LAPTM4A: variants seen among roughly 807,000 people sequenced by gnomAD.
The protein encoded by LAPTM4A is lysosomal-associated transmembrane protein 4A.
In LAPTM4A, 19 loss-of-function variants were observed where a neutral mutation model predicts 29.9. The ratio of observed to expected loss-of-function variants is 0.64; its 90% confidence interval spans 0.44 to 0.93. The LOEUF (loss-of-function observed/expected upper bound fraction) is 0.93. LAPTM4A is among the 40% of genes least tolerant of loss of function. The pLI is 0.00. For missense variants in LAPTM4A, 293 were observed against 288.5 expected, an observed-to-expected ratio of 1.02 and a Z score of -0.11; for synonymous variants, 105 against 102.1, an observed-to-expected ratio of 1.03 and a Z score of -0.17.
At chr2:20,043,199 A>G in intron 1 of LAPTM4A, among the ~76,000 whole-genome samples, 1 of 133,208 alleles carries the variant, frequency 7.5e-6, no homozygotes. Flanking sequence ...CAGCCTCCCA[A>G]GTAGCTGGGA....
At chr2:20,034,526 G>A (rs1673639684) in intron 5 of LAPTM4A, 111 bp from the exon 6 acceptor site, 3 of 758,712 alleles carry the variant, frequency 4.0e-6, no homozygotes, top group Non-Finnish European at 4.7e-6. Flanking sequence ...GTAGAAGGGA[G>A]CTGACCTCTG....
chr2:20,042,973 T>G (rs1673834162), intron 1 of LAPTM4A, among the ~76,000 whole-genome samples: 1 of 152,212 alleles, frequency 6.6e-6, no homozygotes, highest in Non-Finnish European at 1.5e-5. Flanking sequence ...GGAGTCTCGC[T>G]CTGTCGCCCA....
intron 1 of LAPTM4A, 40 bp downstream of exon 1, chr2:20,051,370 C>T: frequency 7.3e-7 from 1 of 1,378,182 alleles, no homozygotes; most frequent in Non-Finnish European, 1.0e-6. Flanking sequence ...CCCCGCTCCC[C>T]AGGCCCCCCG....
chr2:20,051,322 C>G (rs1052870435), intron 1 of LAPTM4A, 88 bp downstream of exon 1: 1 of 804,596 alleles, frequency 1.2e-6, no homozygotes, highest in Non-Finnish European at 2.1e-6. Context: ...CCGCCCCACC[C>G]AACACCCCGT....
Position 20,033,219 on chromosome 2 carries a change from A to G in LAPTM4A, c.688T>C (p.Tyr230His). 1.9e-6 allele frequency: 3 copies of G among 1,613,998 alleles called. No individual in the cohort carries two copies. The East Asian group carries it at 6.7e-5, about 36-fold the overall frequency. The change falls in exon 7 of 7, where the codon TAC (tyrosine) becomes CAC (histidine). Residue 230 changes from tyrosine to histidine, a missense_variant. Coordinates refer to ENST00000175091, the MANE Select transcript of LAPTM4A (RefSeq NM_014713.5). ...KMPEKEPPPP[Y>H]LPA Reference sequence around the variant, plus strand: ...GCAGAATTTCTTCAGGCAGGTAAGTAAGGAGGTGGTGGTTCTTTTTCAGGC... The same window carrying G: ...GCAGAATTTCTTCAGGCAGGTAAGTGAGGAGGTGGTGGTTCTTTTTCAGGC...
At chr2:20,035,559 G>C (rs1673661711) in intron 4 of LAPTM4A, among the ~76,000 whole-genome samples, 1 of 152,172 alleles carries the variant, frequency 6.6e-6, no homozygotes, top group African/African-American at 2.4e-5. Context: ...ACAATGTCAG[G>C]CAAGACATAA....
At chr2:20,045,437 C>T (rs2148214045) in intron 1 of LAPTM4A, among the ~76,000 whole-genome samples, 1 of 141,578 alleles carries the variant, frequency 7.1e-6, no homozygotes, top group Non-Finnish European at 1.5e-5. Context: ...CACACCAGCA[C>T]AGGCAACATA....
At chr2:20,043,310 G>A (rs568838659) in intron 1 of LAPTM4A, among the ~76,000 whole-genome samples, 5 of 151,480 alleles carry the variant, frequency 3.3e-5, no homozygotes, top group African/African-American at 9.7e-5. Flanking sequence ...CACCTCTTGG[G>A]TTCAGGCCAT....
chr2:20,035,082 A>G lies in LAPTM4A; in HGVS notation c.433-20T>C. On this transcript the variant is annotated intron_variant, in intron 4 of 6. Coordinates refer to ENST00000175091, the MANE Select transcript of LAPTM4A (RefSeq NM_014713.5). ...ATCAGGCTATTAAAGAAACACACAC[A>G]CATTTACAAGTCAGCCATCGCACTA... 1 of 1,555,600 alleles carries G rather than the reference A, an allele frequency of 6.4e-7. No individual in the cohort carries two copies. Among genetic ancestry groups the G allele is most frequent in the Non-Finnish European group, 8.9e-7 (1 of 1,129,004 alleles).
rs570294689 is a variant in LAPTM4A at position 20,038,028 on chromosome 2, G to T, written c.233-414C>A. 8.5e-5 allele frequency among the ~76,000 whole-genome samples: 13 copies of T among 152,272 alleles called. No individual in the cohort carries two copies. In the East Asian group the frequency reaches 2.5e-3, roughly 29 times the overall value. On this transcript the variant is annotated intron_variant, in intron 2 of 6. Coordinates refer to ENST00000175091, the MANE Select transcript of LAPTM4A (RefSeq NM_014713.5). ...CTGAAGCATCAGGAAAAAATATGAAGAAATGACACAAGATGGGTCTTATGA... is the reference window on the plus strand; with the variant it reads ...CTGAAGCATCAGGAAAAAATATGAATAAATGACACAAGATGGGTCTTATGA...
At chr2:20,047,696 C>CAAAAAAAAAAAAAAAAAAAAAAAG (rs61601787) in intron 1 of LAPTM4A, among the ~76,000 whole-genome samples, 1 of 76,720 alleles carries the variant, frequency 1.3e-5, no homozygotes, top group African/African-American at 5.0e-5. Context: ...GACTCCGTCT[C>CAAAAAAAAAAAAAAAAAAAAAAAG]AAAAAAAAAA....
At chr2:20,041,036 T>G (rs376607112) in intron 1 of LAPTM4A, 25 bp from the exon 2 acceptor site, 2 of 1,611,350 alleles carry the variant, frequency 1.2e-6, no homozygotes, top group Non-Finnish European at 1.7e-6. Flanking sequence ...ATTCTATCAG[T>G]TACATTAATT....
intron 1 of LAPTM4A, among the ~76,000 whole-genome samples, chr2:20,044,104 C>A (rs867710751): frequency 2.0e-5 from 3 of 152,290 alleles, no homozygotes; most frequent in Middle Eastern, 3.4e-3. Context: ...AGAGGACTTA[C>A]CAGGAACAAT....
intron 1 of LAPTM4A, among the ~76,000 whole-genome samples, chr2:20,047,781 G>A (rs2148215515): frequency 6.6e-6 from 1 of 152,124 alleles, no homozygotes; most frequent in Middle Eastern, 3.4e-3. Context: ...TGTTGTTAAT[G>A]GTTGAAGCTG....
intron 1 of LAPTM4A, among the ~76,000 whole-genome samples, chr2:20,041,428 G>A (rs1021137957): frequency 1.3e-5 from 2 of 152,196 alleles, no homozygotes; most frequent in Admixed American, 6.5e-5. Context: ...TCAGGTGACA[G>A]AGAACTCACT....
At chr2:20,043,991 T>C (rs1435131324) in intron 1 of LAPTM4A, among the ~76,000 whole-genome samples, 1 of 152,228 alleles carries the variant, frequency 6.6e-6, no homozygotes, top group Non-Finnish European at 1.5e-5. Flanking sequence ...AAAGAAACCA[T>C]TATCTAAGGC....
In LAPTM4A at chr2:20,034,308, G is replaced by A. The variant is rs779910472; in HGVS notation, c.627+9C>T. Reference sequence around the variant, plus strand: ...TGGTGACCTTTTACTCTATCCAACAGTAGCTAACCTGAGGAGGTGCTTCAA... The same window carrying A: ...TGGTGACCTTTTACTCTATCCAACAATAGCTAACCTGAGGAGGTGCTTCAA... On this transcript the variant is annotated intron_variant, in intron 6 of 6. Transcript: ENST00000175091. 8.8e-6 allele frequency: 14 copies of A among 1,589,856 alleles called. No individual in the cohort carries two copies. The highest frequency in any genetic ancestry group is 3.3e-5 in the Admixed American group (2 of 59,970).
intron 1 of LAPTM4A, among the ~76,000 whole-genome samples, chr2:20,047,561 G>C (rs1432584062): frequency 7.3e-5 from 11 of 149,770 alleles, no homozygotes; most frequent in Non-Finnish European, 1.3e-4. Context: ...GCGGTGGCGG[G>C]CGCCTGTAGT....
At position 20,033,155 on chromosome 2, in the gene LAPTM4A, TAAAC is replaced by T. The variant is rs1362262176; in HGVS notation, c.*46_*49del. On this transcript the variant is annotated 3_prime_UTR_variant, in exon 7 of 7. Transcript: ENST00000175091. Reference sequence around the variant, plus strand: ...CCCTGAATTGCAGCATTCTGTAACATAAACAAACAAAAAGCTGGTATAGGATTTA... The same window carrying T: ...CCCTGAATTGCAGCATTCTGTAACATAAACAAAAAGCTGGTATAGGATTTA... 8.3e-6 allele frequency: 12 copies of T among 1,449,528 alleles called. 1 individual carries two copies. Among genetic ancestry groups the T allele is most frequent in the African/African-American group, 7.0e-5 (5 of 71,632 alleles). 89.8% of individuals were successfully genotyped at this position (1,449,528 alleles called of 1,614,324 possible). A position where few individuals can be genotyped will look rare whatever the true frequency, so the allele number is the denominator to read the frequency against.
Sources: allele counts gnomAD v4.1 joint callset (sites outside exome capture counted in the v4.1 genomes callset), GRCh38; gene constraint gnomAD v4.1.1; transcripts MANE v1.5; gene names NCBI Gene and HGNC (gene_info 2026-07-23, HGNC 2026-07-21).